The following TLCD5 variants were observed in gnomAD, a reference collection of about 807,000 sequenced individuals.
TLCD5 encodes the protein TLC domain-containing protein 5.
A neutral mutation model predicts 20.5 loss-of-function variants in TLCD5; 15 were observed. The observed-to-expected ratio is 0.73, with a 90% confidence interval of 0.49 to 1.13. The LOEUF is 1.13. Ranked by LOEUF, TLCD5 falls within the 50% of genes most tolerant of loss-of-function variation. The pLI is 0.00. For synonymous variants in TLCD5, 107 were observed against 114.7 expected, an observed-to-expected ratio of 0.93 and a Z score of 0.43; for missense variants, 289 against 305.6, an observed-to-expected ratio of 0.95 and a Z score of 0.41.
rs2135174020 is a variant in TLCD5 at position 120,331,919 on chromosome 11, T to A, written c.*1404T>A. 6.6e-6 allele frequency: 1 copy of A among 152,318 alleles called. No individual in the cohort carries two copies. The highest frequency in any genetic ancestry group is 2.1e-4 in the South Asian group (1 of 4,822). 9.4% of individuals were successfully genotyped at this position (152,318 alleles called of 1,614,324 possible). On this transcript the variant is annotated 3_prime_UTR_variant, in exon 3 of 3. Transcript: ENST00000375095. This position sits in a 1 kb window ranked among gnomAD's most constrained non-coding sequence, Gnocchi z 4.5. ...AACTAGAGCCAAAGACTTTAAAGTGTGTACTGGCCTCAGGGGGATGAGGTT... is the reference window on the plus strand; with the variant it reads ...AACTAGAGCCAAAGACTTTAAAGTGAGTACTGGCCTCAGGGGGATGAGGTT...
chr11:120,331,641 A>C lies in TLCD5; in HGVS notation c.*1126A>C, dbSNP rs1354394326. The C allele has an allele frequency of 6.6e-6, 1 of 152,242 alleles. No individual in the cohort carries two copies. The highest frequency in any genetic ancestry group is 2.4e-5 in the African/African-American group (1 of 41,468). The allele number at this position is 152,242 out of a possible 1,614,324, so 9.4% of individuals were successfully genotyped here. On this transcript the variant is annotated 3_prime_UTR_variant, in exon 3 of 3. Coordinates refer to ENST00000375095, the MANE Select transcript of TLCD5 (RefSeq NM_001198671.2). This position sits in a 1 kb window ranked among gnomAD's most constrained non-coding sequence, Gnocchi z 4.5. ...CCAAGGATAGCAGTTTAGGCCTGCT[A>C]TGTTAACTCTTTTCTGCACAAAACC... is the stretch of plus-strand genomic sequence containing the variant.
At position 120,333,636 on chromosome 11, in the gene TLCD5, A is replaced by G. The variant is rs1469737857; in HGVS notation, c.*3121A>G. ...CTGTTCAAGAACGATTTATATTTCC[A>G]TAAGATTTGTACTAAATTTTATAAA... is the stretch of plus-strand genomic sequence containing the variant. On this transcript the variant is annotated 3_prime_UTR_variant, in exon 3 of 3. Transcript: ENST00000375095. This position sits in a 1 kb window ranked among gnomAD's most constrained non-coding sequence, Gnocchi z 4.5. The G allele has an allele frequency of 1.3e-5, 2 of 152,204 alleles. No homozygotes were observed. Among genetic ancestry groups the G allele is most frequent in the Admixed American group, 6.5e-5 (1 of 15,274 alleles). The allele number at this position is 152,204 out of a possible 1,614,324, so 9.4% of individuals were successfully genotyped here.
At chr11:120,328,917 A>ATT (rs1555084789) in intron 2 of TLCD5, among the ~76,000 whole-genome samples, 31 of 32,206 alleles carry the variant, frequency 9.6e-4, no homozygotes, top group African/African-American at 2.2e-3. Flanking sequence ...TAACAGTCAT[A>ATT]GTGTGTGTGT....
At chr11:120,328,762 T>TG (rs1555084725) in intron 2 of TLCD5, among the ~76,000 whole-genome samples, 1 of 12,348 alleles carries the variant, frequency 8.1e-5, no homozygotes. Context: ...AACAGTCATA[T>TG]TGTGTGTGTG....
At chr11:120,329,939 CCAGT>C (rs1200617609) in intron 2 of TLCD5, 34 bp from the exon 3 acceptor site, 1 of 1,579,764 alleles carries the variant, frequency 6.3e-7, no homozygotes, top group Non-Finnish European at 8.6e-7. Context: ...AACACAATTC[CCAGT>C]CACTCAATTT....
intron 1 of TLCD5, among the ~76,000 whole-genome samples, chr11:120,326,185 C>A (rs1049992344): frequency 2.0e-5 from 3 of 151,342 alleles, no homozygotes; most frequent in African/African-American, 7.3e-5. Flanking sequence ...CCTTCCTCTT[C>A]CTTCTTTTCT....
chr11:120,328,778 G>A (rs1322855666), intron 2 of TLCD5, among the ~76,000 whole-genome samples: 12 of 151,398 alleles, frequency 7.9e-5, no homozygotes, highest in African/African-American at 2.7e-4. Flanking sequence ...GTGTGTGTGT[G>A]CGCGTGTATG....
At chr11:120,328,917 A>AGT (rs369015878) in intron 2 of TLCD5, among the ~76,000 whole-genome samples, 664 of 32,220 alleles carry the variant, frequency 0.021, 40 homozygotes, top group East Asian at 0.19. Flanking sequence ...TAACAGTCAT[A>AGT]GTGTGTGTGT....
chr11:120,330,416 C>T lies in TLCD5; in HGVS notation c.639C>T (p.Arg213=). Reference sequence around the variant, plus strand: ...GGTGTTTCATGTTTAGCATCTGGCGCTTTGCATGGAGGAAGAGCATCAAGA... The same window carrying T: ...GGTGTTTCATGTTTAGCATCTGGCGTTTTGCATGGAGGAAGAGCATCAAGA... ...VSWCFMFSIW[R]FAWRKSIKKY... The change falls in exon 3 of 3, where the codon CGC becomes CGT. Residue 213 remains arginine (R), a synonymous_variant. Coordinates refer to ENST00000375095, the MANE Select transcript of TLCD5 (RefSeq NM_001198671.2). 1 of 1,614,130 alleles carries T rather than the reference C, an allele frequency of 6.2e-7. No homozygotes were observed. The highest frequency in any genetic ancestry group is 1.1e-5 in the South Asian group (1 of 91,080).
At position 120,331,233 on chromosome 11, in the gene TLCD5, A is replaced by T. The variant is rs1447659935; in HGVS notation, c.*718A>T. Reference sequence around the variant, plus strand: ...TGAAAAGATACAAAGAAAAATCGGTAAAAGGAAAAGGCACCTGAGACAAAG... The same window carrying T: ...TGAAAAGATACAAAGAAAAATCGGTTAAAGGAAAAGGCACCTGAGACAAAG... On this transcript the variant is annotated 3_prime_UTR_variant, in exon 3 of 3. Transcript: ENST00000375095. The surrounding 1 kb of genome is among the most constrained non-coding windows in gnomAD (Gnocchi z 4.5). 1 of 152,246 alleles carries T rather than the reference A, an allele frequency of 6.6e-6. No individual in the cohort carries two copies. Among genetic ancestry groups the T allele is most frequent in the Non-Finnish European group, 1.5e-5 (1 of 68,050 alleles). 9.4% of individuals were successfully genotyped at this position (152,246 alleles called of 1,614,324 possible).
Position 120,327,519 on chromosome 11 carries a change from G to A in TLCD5, c.78G>A (p.Leu26=), listed in dbSNP as rs1358732101. ...WLSLYISFCH[L]NKHRSYEWSC... is the part of the protein sequence containing the mutation. ...CGCTCTATATTTCTTTCTGCCACCT[G>A]AATAAGCACCGAAGCTATGAGTGGA... is the stretch of plus-strand genomic sequence containing the variant. The change falls in exon 2 of 3, where the codon CTG becomes CTA. Residue 26 remains leucine, a synonymous_variant. Transcript: ENST00000375095. 54 of 1,614,172 alleles carry A rather than the reference G, an allele frequency of 3.3e-5. No individual in the cohort carries two copies. The highest frequency in any genetic ancestry group is 4.5e-5 in the Non-Finnish European group (53 of 1,180,040).
rs545077072 is a variant in TLCD5, at chr11:120,326,514, A to T, written c.-1-927A>T. ...GAAAATGTCTGCTGAGATGAAGTAGATATCTGATATGTTTTTGACTTTTTA... is the reference window on the plus strand; with the variant it reads ...GAAAATGTCTGCTGAGATGAAGTAGTTATCTGATATGTTTTTGACTTTTTA... On this transcript the variant is annotated intron_variant, in intron 1 of 2. Coordinates refer to ENST00000375095, the MANE Select transcript of TLCD5 (RefSeq NM_001198671.2). Among the ~76,000 whole-genome samples the T allele has an allele frequency of 4.6e-5, 7 of 152,358 alleles. No individual in the cohort carries two copies. The South Asian group carries it at 1.2e-3, about 27-fold the overall frequency.
At position 120,333,482 on chromosome 11, in the gene TLCD5, A is replaced by G. The variant is rs192288143; in HGVS notation, c.*2967A>G. 6.6e-6 allele frequency: 1 copy of G among 152,342 alleles called. No individual in the cohort carries two copies. Among genetic ancestry groups the G allele is most frequent in the African/African-American group, 2.4e-5 (1 of 41,578 alleles). The allele number at this position is 152,342 out of a possible 1,614,324, so 9.4% of individuals were successfully genotyped here. ...TCTGAGAGAACAATGTGAACTGAAG[A>G]TGACTCAGCAGTTAAGACAATGCTA... is the stretch of plus-strand genomic sequence containing the variant. On this transcript the variant is annotated 3_prime_UTR_variant, in exon 3 of 3. Transcript: ENST00000375095. This position sits in a 1 kb window ranked among gnomAD's most constrained non-coding sequence, Gnocchi z 4.5.
At chr11:120,328,946 T>A (rs76673086) in intron 2 of TLCD5, among the ~76,000 whole-genome samples, 358 of 29,410 alleles carry the variant, frequency 0.012, no homozygotes, top group East Asian at 0.022. Flanking sequence ...GTGTGTGTGT[T>A]TGTGTATGTT....
At position 120,330,600 on chromosome 11, in the gene TLCD5, T is replaced by C. The variant is rs1591462064; in HGVS notation, c.*85T>C. On this transcript the variant is annotated 3_prime_UTR_variant, in exon 3 of 3. Transcript: ENST00000375095. ...TATGACTGTTACATAATTACACTTATAACAAACTTAGGTTTCAATAAAGGG... is the reference window on the plus strand; with the variant it reads ...TATGACTGTTACATAATTACACTTACAACAAACTTAGGTTTCAATAAAGGG... 1 of 1,440,026 alleles carries C rather than the reference T, an allele frequency of 6.9e-7. No homozygotes were observed. The highest frequency in any genetic ancestry group is 9.2e-7 in the Non-Finnish European group (1 of 1,081,162). 89.2% of individuals were successfully genotyped at this position (1,440,026 alleles called of 1,614,324 possible).
Position 120,327,361 on chromosome 11 carries a change from G to A in TLCD5, c.-1-80G>A, listed in dbSNP as rs761853461. 24 of 1,609,172 alleles carry A rather than the reference G, an allele frequency of 1.5e-5. No individual in the cohort carries two copies. In the African/African-American group the frequency reaches 2.3e-4, roughly 15 times the overall value. On this transcript the variant is annotated intron_variant, in intron 1 of 2. Coordinates refer to ENST00000375095, the MANE Select transcript of TLCD5 (RefSeq NM_001198671.2). ...TTGAACTATTCTATAATAGAAATGA[G>A]GATATATACACAAAATGACCCAGTG...
At chr11:120,327,133 C>G (rs1591456748) in intron 1 of TLCD5, 1 of 534,766 alleles carries the variant, frequency 1.9e-6, no homozygotes, top group Non-Finnish European at 3.3e-6. Context: ...TCAGTCATCG[C>G]TAGAGGGTTA....
At chr11:120,328,780 G>GCGTGTGCA (rs1942068648) in intron 2 of TLCD5, among the ~76,000 whole-genome samples, 2 of 150,998 alleles carry the variant, frequency 1.3e-5, no homozygotes, top group African/African-American at 2.4e-5. Context: ...GTGTGTGTGC[G>GCGTGTGCA]CGTGTATGTT....
Position 120,330,597 on chromosome 11 carries a change from T to A in TLCD5, c.*82T>A. On this transcript the variant is annotated 3_prime_UTR_variant, in exon 3 of 3. Transcript: ENST00000375095. ...AAATATGACTGTTACATAATTACAC[T>A]TATAACAAACTTAGGTTTCAATAAA... The A allele has an allele frequency of 6.9e-7, 1 of 1,452,522 alleles. No homozygotes were observed. Among genetic ancestry groups the A allele is most frequent in the East Asian group, 2.3e-5 (1 of 42,826 alleles). 90.0% of individuals were successfully genotyped at this position (1,452,522 alleles called of 1,614,324 possible). A position where few individuals can be genotyped will look rare whatever the true frequency, so the allele number is the denominator to read the frequency against.
Sources: gnomAD v4.1 joint callset for allele counts (sites outside exome capture counted in the v4.1 genomes callset) on GRCh38, gnomAD v4.1.1 for gene constraint, Gnocchi (gnomAD v3.1) non-coding constraint, MANE v1.5 for transcripts, NCBI Gene and HGNC (gene_info 2026-07-23, HGNC 2026-07-21) for gene names.